Variants in WWOX observed in about 807,000 individuals in gnomAD.
WWOX encodes WW domain-containing oxidoreductase.
Under a neutral mutation model 46.2 loss-of-function variants are expected in WWOX, and 69 were observed. The ratio of observed to expected loss-of-function variants is 1.49; its 90% confidence interval spans 1.23 to 1.82. WWOX has a LOEUF of 1.82. WWOX is among the 40% of genes most tolerant of loss of function. WWOX has a pLI of 0.00. For missense variants in WWOX, 919 were observed against 542.6 expected, an observed-to-expected ratio of 1.69 and a Z score of -6.89; for synonymous variants, 359 against 202.6, an observed-to-expected ratio of 1.77 and a Z score of -6.56.
intron 5 of WWOX, among the ~76,000 whole-genome samples, chr16:78,180,464 G>C (rs1012141692): frequency 5.3e-5 from 8 of 152,164 alleles, no homozygotes; most frequent in African/African-American, 1.7e-4. Context: ...CGTAAACCCA[G>C]CTGCACCCGA....
At chr16:78,963,177 A>C (rs182870234) in intron 8 of WWOX, among the ~76,000 whole-genome samples, 44 of 152,330 alleles carry the variant, frequency 2.9e-4, no homozygotes, top group African/African-American at 1.1e-3. Flanking sequence ...TCATTTCAAA[A>C]TAAGTTGTAG....
At chr16:78,632,949 T>C (rs1360162236) in intron 8 of WWOX, among the ~76,000 whole-genome samples, 2 of 152,018 alleles carry the variant, frequency 1.3e-5, no homozygotes, top group East Asian at 2.0e-4. Context: ...CAACATTTAT[T>C]ATCCCCATTT....
At chr16:78,679,515 C>T (rs1440120090) in intron 8 of WWOX, among the ~76,000 whole-genome samples, 2 of 152,086 alleles carry the variant, frequency 1.3e-5, no homozygotes, top group Admixed American at 6.6e-5. Context: ...TGCACCACTG[C>T]ACTCCAGCCT....
chr16:78,824,637 C>T (rs542109802), intron 8 of WWOX, among the ~76,000 whole-genome samples: 9 of 152,168 alleles, frequency 5.9e-5, no homozygotes, highest in South Asian at 4.2e-4. Context: ...TACACGGCAG[C>T]GGCAAGAGAA....
chr16:78,648,517 C>G (rs1280700761), intron 8 of WWOX, among the ~76,000 whole-genome samples: 1 of 152,172 alleles, frequency 6.6e-6, no homozygotes, highest in African/African-American at 2.4e-5. Flanking sequence ...AGAATGCCGA[C>G]CCACAAGCTC....
intron 5 of WWOX, among the ~76,000 whole-genome samples, chr16:78,209,132 T>C (rs928107405): frequency 9.2e-5 from 14 of 152,198 alleles, no homozygotes; most frequent in Admixed American, 7.9e-4. Context: ...GTTTGAATTT[T>C]TAAAATAGGT....
intron 8 of WWOX, among the ~76,000 whole-genome samples, chr16:78,761,029 C>G (rs947730408): frequency 6.6e-6 from 1 of 152,090 alleles, no homozygotes; most frequent in Non-Finnish European, 1.5e-5. Flanking sequence ...CCCCATGATT[C>G]AGTTATCTCC....
chr16:78,250,729 C>T (rs757022451), intron 5 of WWOX, among the ~76,000 whole-genome samples: 4 of 152,094 alleles, frequency 2.6e-5, no homozygotes, highest in African/African-American at 4.8e-5. Flanking sequence ...CAGAAATGGT[C>T]CAGTGGCAGT....
chr16:78,718,761 T>C (rs2048625913), intron 8 of WWOX, among the ~76,000 whole-genome samples: 2 of 152,080 alleles, frequency 1.3e-5, no homozygotes, highest in Admixed American at 6.6e-5. Flanking sequence ...AAAAGAAGTA[T>C]TCATTTAGGT....
At chr16:78,651,396 C>T (rs72794712) in intron 8 of WWOX, among the ~76,000 whole-genome samples, 118 of 152,276 alleles carry the variant, frequency 7.7e-4, no homozygotes, top group Admixed American at 1.5e-3. Context: ...TGAATACAAG[C>T]AGCTATTCAG....
intron 6 of WWOX, among the ~76,000 whole-genome samples, chr16:78,391,825 ACT>A (rs1208376641): frequency 4.6e-5 from 7 of 152,090 alleles, no homozygotes; most frequent in Non-Finnish European, 2.9e-5. Context: ...GGACAGTGAG[ACT>A]CTGTCTCAAA....
chr16:78,920,860 C>G (rs2045362210), intron 8 of WWOX, among the ~76,000 whole-genome samples: 1 of 152,196 alleles, frequency 6.6e-6, no homozygotes. Context: ...TTGTTCAAAA[C>G]TCTGATGAGC....
chr16:79,082,246 C>T (rs2048774182), intron 8 of WWOX, among the ~76,000 whole-genome samples: 1 of 152,160 alleles, frequency 6.6e-6, no homozygotes, highest in Non-Finnish European at 1.5e-5. Context: ...CCTTGGGAAA[C>T]AGAGGCAGAG....
intron 8 of WWOX, among the ~76,000 whole-genome samples, chr16:78,832,593 G>A (rs898927640): frequency 6.6e-6 from 1 of 152,260 alleles, no homozygotes; most frequent in Non-Finnish European, 1.5e-5. Flanking sequence ...TATTGGCAGT[G>A]GCATGGAGTG....
At chr16:79,098,805 A>G (rs908922039) in intron 8 of WWOX, among the ~76,000 whole-genome samples, 1 of 152,228 alleles carries the variant, frequency 6.6e-6, no homozygotes, top group Non-Finnish European at 1.5e-5. Context: ...AGAAAAATGT[A>G]CATTCTCCTT....
chr16:79,166,995 G>T (rs978480908), intron 8 of WWOX, among the ~76,000 whole-genome samples: 1 of 152,024 alleles, frequency 6.6e-6, no homozygotes, highest in Non-Finnish European at 1.5e-5. Flanking sequence ...AGGCTGGAGT[G>T]CATGGCCTGA....
intron 6 of WWOX, among the ~76,000 whole-genome samples, chr16:78,394,977 C>T (rs536535649): frequency 1.7e-4 from 26 of 152,178 alleles, no homozygotes; most frequent in Non-Finnish European, 5.9e-5. Flanking sequence ...TGTATTTTCA[C>T]AGTGCTTTGC....
chr16:78,366,039 G>C (rs975135690), intron 5 of WWOX, among the ~76,000 whole-genome samples: 2 of 152,140 alleles, frequency 1.3e-5, no homozygotes, highest in African/African-American at 4.8e-5. Flanking sequence ...GTTAATCAGG[G>C]AATACATCTT....
chr16:79,108,721 G>C (rs777166049), intron 8 of WWOX, among the ~76,000 whole-genome samples: 16 of 152,054 alleles, frequency 1.1e-4, no homozygotes, highest in Non-Finnish European at 2.4e-4. Context: ...GGGCAACACA[G>C]TGAGACCCCA....
Sources: allele counts gnomAD v4.1 joint callset (sites outside exome capture counted in the v4.1 genomes callset), GRCh38; gene constraint gnomAD v4.1.1; transcripts MANE v1.5; gene names NCBI Gene and HGNC (gene_info 2026-07-23, HGNC 2026-07-21).